The following BBS9 variants were observed in gnomAD, a reference collection of about 807,000 sequenced individuals.
BBS9 encodes the protein protein PTHB1.
BBS9 carries 89 observed loss-of-function variants against 117.7 expected under a neutral mutation model. That is an observed-to-expected ratio of 0.76 (90% CI 0.64 to 0.90). BBS9 has a LOEUF of 0.90. BBS9 is among the 40% of genes least tolerant of loss of function. The probability of loss-of-function intolerance (pLI) is 0.00; values close to 1 mark genes in which losing one functional copy is unlikely to be tolerated. For synonymous variants in BBS9, 379 were observed against 370.9 expected (o/e 1.02, Z -0.25); for missense variants, 982 against 1,042.2 (o/e 0.94, Z 0.80).
chr7:33,266,373 T>C (rs1414300957), intron 7 of BBS9, among the ~76,000 whole-genome samples: 1 of 152,206 alleles, frequency 6.6e-6, no homozygotes, highest in Non-Finnish European at 1.5e-5. Flanking sequence ...ATTTAATAGC[T>C]TCCTGTGTTA....
At chr7:33,502,411 C>T (rs1382097599) in intron 19 of BBS9, among the ~76,000 whole-genome samples, 1 of 152,040 alleles carries the variant, frequency 6.6e-6, no homozygotes, top group Non-Finnish European at 1.5e-5. Context: ...AAATGTAAAC[C>T]GTAGCCCATT....
intron 21 of BBS9, among the ~76,000 whole-genome samples, chr7:33,577,837 G>T (rs1308299658): frequency 6.6e-6 from 1 of 152,164 alleles, no homozygotes; most frequent in African/African-American, 2.4e-5. Flanking sequence ...TCACTCACAG[G>T]TGAGAATTGA....
intron 21 of BBS9, among the ~76,000 whole-genome samples, chr7:33,552,920 A>G (rs1276659837): frequency 1.3e-5 from 2 of 152,126 alleles, no homozygotes; most frequent in African/African-American, 4.8e-5. Context: ...CCACTTCTCC[A>G]CCAGCAATTT....
chr7:33,415,269 G>A (rs1456688014), intron 19 of BBS9, among the ~76,000 whole-genome samples: 1 of 152,152 alleles, frequency 6.6e-6, no homozygotes, highest in Non-Finnish European at 1.5e-5. Context: ...CCCCAAGTTA[G>A]GGAGAAAGCT....
chr7:33,374,722 A>G (rs1386390714), intron 17 of BBS9, among the ~76,000 whole-genome samples: 1 of 151,870 alleles, frequency 6.6e-6, no homozygotes, highest in African/African-American at 2.4e-5. Flanking sequence ...ACCAACATGG[A>G]GAAACCTCAT....
chr7:33,290,653 G>T (rs974772338), intron 9 of BBS9, among the ~76,000 whole-genome samples: 6 of 152,198 alleles, frequency 3.9e-5, no homozygotes, highest in Non-Finnish European at 8.8e-5. Context: ...AAATTTTTTA[G>T]TGTGTGTAGC....
intron 21 of BBS9, among the ~76,000 whole-genome samples, chr7:33,546,629 A>T (rs983910710): frequency 6.6e-6 from 1 of 152,176 alleles, no homozygotes; most frequent in Non-Finnish European, 1.5e-5. Flanking sequence ...CTGATACTGA[A>T]ATACTCATTA....
At chr7:33,266,542 G>T (rs560775882) in intron 7 of BBS9, among the ~76,000 whole-genome samples, 46 of 152,246 alleles carry the variant, frequency 3.0e-4, no homozygotes, top group Middle Eastern at 3.4e-3. Flanking sequence ...TGAAAAGAAT[G>T]TGTATTTTTT....
intron 21 of BBS9, among the ~76,000 whole-genome samples, chr7:33,571,666 A>G (rs1170148120): frequency 3.4e-4 from 51 of 152,088 alleles, no homozygotes; most frequent in Non-Finnish European, 2.1e-4. Context: ...TTAGTATAGA[A>G]CTCTTATCAT....
At chr7:33,438,932 C>T (rs953069750) in intron 19 of BBS9, among the ~76,000 whole-genome samples, 1 of 152,158 alleles carries the variant, frequency 6.6e-6, no homozygotes, top group African/African-American at 2.4e-5. Flanking sequence ...CTCTTACAAC[C>T]TTAGTTTATC....
chr7:33,289,813 G>T (rs1239635658), intron 9 of BBS9, among the ~76,000 whole-genome samples: 3 of 152,138 alleles, frequency 2.0e-5, no homozygotes, highest in Non-Finnish European at 4.4e-5. Context: ...GGAGGCCAAG[G>T]TGGGCAGATC....
At chr7:33,219,815 G>A (rs369237295) in intron 5 of BBS9, among the ~76,000 whole-genome samples, 6 of 152,264 alleles carry the variant, frequency 3.9e-5, no homozygotes, top group African/African-American at 4.8e-5. Context: ...GTGGCAACCC[G>A]CTGGGGTCCC....
At chr7:33,398,614 A>G (rs1441019737) in intron 19 of BBS9, among the ~76,000 whole-genome samples, 1 of 152,236 alleles carries the variant, frequency 6.6e-6, no homozygotes, top group East Asian at 1.9e-4. Flanking sequence ...AGTCTAGCCA[A>G]ACTGTCTGAC....
At chr7:33,364,366 C>T (rs1452343546) in intron 16 of BBS9, among the ~76,000 whole-genome samples, 2 of 152,058 alleles carry the variant, frequency 1.3e-5, no homozygotes, top group African/African-American at 2.4e-5. Context: ...ATAATTTTTA[C>T]TCCATCCCCC....
intron 5 of BBS9, among the ~76,000 whole-genome samples, chr7:33,228,709 A>T (rs934907410): frequency 1.3e-5 from 2 of 152,208 alleles, no homozygotes; most frequent in African/African-American, 2.4e-5. Context: ...TAAGAAAATC[A>T]TAAGGAAGGG....
At chr7:33,348,249 G>T (rs963849616) in intron 12 of BBS9, among the ~76,000 whole-genome samples, 3 of 151,996 alleles carry the variant, frequency 2.0e-5, no homozygotes, top group African/African-American at 7.2e-5. Flanking sequence ...TACAATATGT[G>T]GTTCTTTGTG....
chr7:33,236,510 C>G (rs1028705665), intron 5 of BBS9, among the ~76,000 whole-genome samples: 1 of 151,480 alleles, frequency 6.6e-6, no homozygotes, highest in African/African-American at 2.4e-5. Context: ...TAAGCTTTTC[C>G]CCTTACAATA....
chr7:33,565,719 C>T (rs2129125859), intron 21 of BBS9, among the ~76,000 whole-genome samples: 1 of 143,164 alleles, frequency 7.0e-6, no homozygotes, highest in East Asian at 2.1e-4. Flanking sequence ...GCATAATAGC[C>T]AGCATCCAAA....
At chr7:33,221,833 A>G (rs567283713) in intron 5 of BBS9, among the ~76,000 whole-genome samples, 1 of 152,156 alleles carries the variant, frequency 6.6e-6, no homozygotes, top group Non-Finnish European at 1.5e-5. Flanking sequence ...AAAGTATTTC[A>G]TGTCAAAAAT....
Sources: allele counts gnomAD v4.1 joint callset (sites outside exome capture counted in the v4.1 genomes callset), GRCh38; gene constraint gnomAD v4.1.1; transcripts MANE v1.5; gene names NCBI Gene and HGNC (gene_info 2026-07-23, HGNC 2026-07-21).